TLE2: variants seen among roughly 807,000 people sequenced by gnomAD.
TLE2 encodes TLE family member 2, transcriptional corepressor, also known as transducin-like enhancer protein 2.
TLE2 carries 74 observed loss-of-function variants against 97.2 expected under a neutral mutation model. The ratio of observed to expected loss-of-function variants is 0.76; its 90% CI spans 0.63 to 0.92. The LOEUF (loss-of-function observed/expected upper bound fraction) is 0.92. Among genes scored for constraint, TLE2 ranks in the 40% least tolerant of loss-of-function variants. The probability of loss-of-function intolerance (pLI) is 0.00; values close to 1 mark genes in which losing one functional copy is unlikely to be tolerated. For missense variants in TLE2, 1,038 were observed against 1,008.7 expected (o/e 1.03, Z -0.39); for synonymous variants, 499 against 432.1 (o/e 1.15, Z -1.92).
At chr19:3,042,983 A>C (rs1247135189) in intron 1 of TLE2, among the ~76,000 whole-genome samples, 1 of 151,892 alleles carries the variant, frequency 6.6e-6, no homozygotes, top group East Asian at 1.9e-4. Flanking sequence ...GTTTTTAATT[A>C]ATTTATTTTT....
Position 3,005,814 on chromosome 19 carries a change from G to C in TLE2, c.1655C>G (p.Ala552Gly), listed in dbSNP as rs763968190. Residue 552 changes from alanine to glycine, a missense_variant, in exon 16 of 20, where the codon GCC (alanine) becomes GGC (glycine). Ala to Gly is a moderately conservative substitution (Grantham distance 60). Coordinates refer to ENST00000262953, the MANE Select transcript of TLE2 (RefSeq NM_003260.5). ...CTTGGCGTCGGGGCTGACGGCCAGG[G>C]CGTAGCAGGCTGGGGCTGAGGAAGT... Reference protein sequence around the residue: ...ELTSSAPACYALAVSPDAKVC... With the variant: ...ELTSSAPACYGLAVSPDAKVC... The C allele has an allele frequency of 6.2e-7, 1 of 1,614,010 alleles. No individual in the cohort carries two copies. Among genetic ancestry groups the C allele is most frequent in the South Asian group, 1.1e-5 (1 of 91,080 alleles).
intron 19 of TLE2, among the ~76,000 whole-genome samples, chr19:3,000,248 AT>A (rs574733927): frequency 1.3e-5 from 2 of 148,732 alleles, no homozygotes. Context: ...ATTTTTTTGT[AT>A]TTTTTTTAGT....
Position 3,019,169 on chromosome 19 carries a change from A to G in TLE2, c.550+114T>C. 2 of 1,424,146 alleles carry G rather than the reference A, an allele frequency of 1.4e-6. No homozygotes were observed. The highest frequency in any genetic ancestry group is 2.2e-5 in the Admixed American group (1 of 45,900). The allele number at this position is 1,424,146 out of a possible 1,614,324, so 88.2% of individuals were successfully genotyped here. A position where few individuals can be genotyped will look rare whatever the true frequency, so the allele number is the denominator to read the frequency against. ...CGCCTCGGCCTCCCAAATTGTTGGG[A>G]TTATAGGCATGAGCCACTTCATCCC... On this transcript the variant is annotated intron_variant, in intron 7 of 19. Coordinates refer to ENST00000262953, the MANE Select transcript of TLE2 (RefSeq NM_003260.5). The surrounding 1 kb of genome is among the most constrained non-coding windows in gnomAD (Gnocchi z 5.1).
At chr19:2,998,992 T>TA (rs1021635488) in intron 19 of TLE2, among the ~76,000 whole-genome samples, 3 of 152,286 alleles carry the variant, frequency 2.0e-5, no homozygotes, top group South Asian at 2.1e-4. Context: ...ATTTTTTTCT[T>TA]ACAACCCTTT....
intron 1 of TLE2, among the ~76,000 whole-genome samples, chr19:3,036,457 G>C (rs987610635): frequency 1.3e-5 from 2 of 152,112 alleles, no homozygotes; most frequent in African/African-American, 2.4e-5. Context: ...CGGCTCCCTC[G>C]GGGAGGCCAA....
At chr19:3,047,466 CCTT>C (rs2090153324), upstream of TLE2, 1 of 148,614 alleles carries the variant, frequency 6.7e-6, no homozygotes, top group African/African-American at 2.5e-5. Context: ...AGGCAGGACC[CCTT>C]CTTCCGAGAA....
intron 1 of TLE2, among the ~76,000 whole-genome samples, chr19:3,034,816 C>A (rs1009198714): frequency 2.6e-5 from 4 of 152,072 alleles, no homozygotes; most frequent in Non-Finnish European, 5.9e-5. Context: ...CAGCCCTAGG[C>A]CTTCCAGGGA....
At chr19:3,013,523 TAA>T in intron 11 of TLE2, 144 bp downstream of exon 11, 14 of 683,856 alleles carry the variant, frequency 2.0e-5, no homozygotes, top group Non-Finnish European at 2.6e-5. Context: ...GCAGGAGGTT[TAA>T]AAAAAAAAGC....
intron 3 of TLE2, among the ~76,000 whole-genome samples, 195 bp from the exon 4 acceptor site, chr19:3,028,068 G>A (rs2089975378): frequency 6.6e-6 from 1 of 152,080 alleles, no homozygotes; most frequent in Admixed American, 6.5e-5. Flanking sequence ...ACTCTCCCCA[G>A]AGAGGCAGGG....
chr19:3,011,218 G>A lies in TLE2; in HGVS notation c.874-58C>T. 6 of 1,502,026 alleles carry A rather than the reference G, an allele frequency of 4.0e-6. No individual in the cohort carries two copies. In the South Asian group the frequency reaches 5.4e-5, roughly 13 times the overall value. The allele number at this position is 1,502,026 out of a possible 1,614,324, so 93.0% of individuals were successfully genotyped here. A position where few individuals can be genotyped will look rare whatever the true frequency, so the allele number is the denominator to read the frequency against. Reference sequence around the variant, plus strand: ...GGCACCTGGTGTCTTGTGGCCCAACGATCTGATCAGAAACTGGGGTTGGGG... The same window carrying A: ...GGCACCTGGTGTCTTGTGGCCCAACAATCTGATCAGAAACTGGGGTTGGGG... On this transcript the variant is annotated intron_variant, in intron 11 of 19. Coordinates refer to ENST00000262953, the MANE Select transcript of TLE2 (RefSeq NM_003260.5).
At chr19:3,006,185 G>GT (rs2089472599) in intron 15 of TLE2, 1 of 952,712 alleles carries the variant, frequency 1.0e-6, no homozygotes, top group Non-Finnish European at 1.7e-6. Context: ...CCCACCCATG[G>GT]TTGGCCTGCA....
At chr19:3,025,623 G>A in intron 4 of TLE2, 1 of 985,874 alleles carries the variant, frequency 1.0e-6, no homozygotes, top group Non-Finnish European at 1.2e-6. Flanking sequence ...ATCTGGAGAG[G>A]GTCTGGGCCC....
rs770048041 is a variant in TLE2, at chr19:3,019,333, G to A, written c.500C>T (p.Ala167Val). 1.2e-5 allele frequency: 19 copies of A among 1,571,702 alleles called. No individual in the cohort carries two copies. Among genetic ancestry groups the A allele is most frequent in the Admixed American group, 5.3e-5 (3 of 56,112 alleles). Reference sequence around the variant, plus strand: ...CGCACGGTCCTCCTTGACAGCCGCCGCCAGCTGAGCCTGGGCAGCCAGGGC... The same window carrying A: ...CGCACGGTCCTCCTTGACAGCCGCCACCAGCTGAGCCTGGGCAGCCAGGGC... ...SGALAAQAQLAAAVKEDRAGV... is the reference protein window; with the variant it reads ...SGALAAQAQLVAAVKEDRAGV... The change falls in exon 7 of 20, where the codon GCG becomes GTG. Residue 167 changes from alanine to valine, a missense_variant. Ala to Val is a moderately conservative substitution (Grantham distance 64). Transcript: ENST00000262953. This position sits in a 1 kb window ranked among gnomAD's most constrained non-coding sequence, Gnocchi z 5.1.
upstream of TLE2, chr19:3,029,484 C>T (rs564275801): frequency 1.0e-6 from 1 of 982,494 alleles, no homozygotes; most frequent in Non-Finnish European, 1.2e-6. Flanking sequence ...AAAACAGGGT[C>T]CCCACCCCCT....
chr19:3,041,023 T>A (rs1345388903), intron 1 of TLE2, among the ~76,000 whole-genome samples: 89 of 78,988 alleles, frequency 1.1e-3, no homozygotes, highest in Middle Eastern at 5.2e-3. Flanking sequence ...ATTTTTTTTT[T>A]TTTTTTTTTT....
chr19:3,007,222 G>C (rs1303174027), intron 14 of TLE2, among the ~76,000 whole-genome samples: 1 of 151,990 alleles, frequency 6.6e-6, no homozygotes, highest in Non-Finnish European at 1.5e-5. Flanking sequence ...CAAGGAGCTG[G>C]GATTACAGGT....
At chr19:3,009,500 G>C in intron 13 of TLE2, 42 bp downstream of exon 13, 2 of 1,547,250 alleles carry the variant, frequency 1.3e-6, no homozygotes, top group Non-Finnish European at 1.7e-6. Flanking sequence ...CCCAGCCCCT[G>C]GGCCCTGCTG....
intron 19 of TLE2, 106 bp from the exon 20 acceptor site, chr19:2,998,061 C>T (rs563447075): frequency 2.0e-5 from 14 of 717,512 alleles, no homozygotes; most frequent in Non-Finnish European, 3.4e-5. Flanking sequence ...TCAGGACTCG[C>T]CTACAGAGTG....
chr19:3,040,507 A>C (rs778577593), intron 1 of TLE2, among the ~76,000 whole-genome samples: 2 of 151,642 alleles, frequency 1.3e-5, no homozygotes, highest in Non-Finnish European at 2.9e-5. Flanking sequence ...TGCCCGGCTC[A>C]TTTTTGTATT....
Sources: allele counts gnomAD v4.1 joint callset (sites outside exome capture counted in the v4.1 genomes callset), GRCh38; gene constraint gnomAD v4.1.1; non-coding constraint Gnocchi (gnomAD v3.1); transcripts MANE v1.5; gene names NCBI Gene and HGNC (gene_info 2026-07-23, HGNC 2026-07-21).